Variants in TRHDE observed in about 807,000 individuals in gnomAD.
TRHDE encodes thyrotropin-releasing hormone-degrading ectoenzyme.
TRHDE carries 72 observed loss-of-function variants against 125.7 expected under a neutral mutation model. The observed-to-expected ratio is 0.57, with a 90% CI of 0.47 to 0.70. TRHDE has a LOEUF of 0.70. Among genes scored for constraint, TRHDE ranks in the 30% least tolerant of loss-of-function variants. The pLI is 0.00. For synonymous variants in TRHDE, 509 were observed against 509.1 expected (o/e 1.00, Z 0.00); for missense variants, 1,110 against 1,327.1 (o/e 0.84, Z 2.54).
At chr12:72,486,197 A>T (rs2135919762) in intron 5 of TRHDE, among the ~76,000 whole-genome samples, 3 of 152,308 alleles carry the variant, frequency 2.0e-5, no homozygotes, top group African/African-American at 7.2e-5. Flanking sequence ...GCTGGGATGT[A>T]CCTCAGAGCA....
chr12:72,087,537 G>A (rs914142907), intron 1 of TRHDE: 2 of 152,210 alleles, frequency 1.3e-5, no homozygotes, highest in Non-Finnish European at 2.9e-5. Flanking sequence ...GGAAGGAGGA[G>A]TAAGTACAGA....
At chr12:72,641,459 G>A (rs1211607352) in intron 15 of TRHDE, among the ~76,000 whole-genome samples, 3 of 152,084 alleles carry the variant, frequency 2.0e-5, no homozygotes, top group African/African-American at 4.8e-5. Flanking sequence ...TAAGATCCTC[G>A]TCTGTCCTTT....
intron 6 of TRHDE, among the ~76,000 whole-genome samples, chr12:72,521,007 A>G (rs553629722): frequency 3.3e-5 from 5 of 152,326 alleles, no homozygotes; most frequent in African/African-American, 9.6e-5. Context: ...GCCCAGACTC[A>G]TAATAGCTCG....
intron 6 of TRHDE, among the ~76,000 whole-genome samples, chr12:72,501,622 G>T (rs1431773113): frequency 1.3e-5 from 2 of 151,876 alleles, no homozygotes; most frequent in African/African-American, 2.4e-5. Flanking sequence ...TTTGCATCTG[G>T]GCTAATGAGG....
At chr12:72,395,897 A>G (rs1460157420) in intron 3 of TRHDE, among the ~76,000 whole-genome samples, 4 of 152,050 alleles carry the variant, frequency 2.6e-5, no homozygotes, top group Non-Finnish European at 5.9e-5. Flanking sequence ...CCTCAATCTT[A>G]GCCAATGACC....
chr12:72,122,723 A>C (rs2139302451), intron 2 of TRHDE, among the ~76,000 whole-genome samples: 1 of 152,246 alleles, frequency 6.6e-6, no homozygotes, highest in East Asian at 1.9e-4. Context: ...ATTACTCTAG[A>C]GATCATGGTA....
intron 12 of TRHDE, among the ~76,000 whole-genome samples, chr12:72,595,580 A>G (rs1312972854): frequency 6.6e-6 from 1 of 152,166 alleles, no homozygotes; most frequent in African/African-American, 2.4e-5. Context: ...TTTTAAAAAT[A>G]TAATTGTTCC....
At chr12:72,286,575 T>C (rs1049314998) in intron 1 of TRHDE, 106 bp from the exon 2 acceptor site, 2 of 1,119,610 alleles carry the variant, frequency 1.8e-6, no homozygotes, top group South Asian at 1.6e-5. Context: ...GAAAAAAATA[T>C]TGCAATTTGG....
intron 2 of TRHDE, among the ~76,000 whole-genome samples, chr12:72,171,794 C>T (rs1005317194): frequency 4.6e-5 from 7 of 152,180 alleles, no homozygotes. Flanking sequence ...AGCTCTCCTA[C>T]TGATTGTCCT....
chr12:72,373,776 AG>A (rs1416439396), intron 2 of TRHDE, among the ~76,000 whole-genome samples: 1 of 152,150 alleles, frequency 6.6e-6, no homozygotes, highest in Non-Finnish European at 1.5e-5. Context: ...ATGTTTGAGG[AG>A]TGAAAAGGAA....
intron 15 of TRHDE, among the ~76,000 whole-genome samples, chr12:72,648,960 T>C (rs1330818433): frequency 1.3e-5 from 2 of 152,038 alleles, no homozygotes; most frequent in Non-Finnish European, 2.9e-5. Context: ...TATTTTAAAA[T>C]TGCAATACTA....
chr12:72,199,935 A>C (rs1285060410), intron 2 of TRHDE, among the ~76,000 whole-genome samples: 1 of 152,076 alleles, frequency 6.6e-6, no homozygotes, highest in Non-Finnish European at 1.5e-5. Flanking sequence ...TTTGTGTTAA[A>C]TTTGGTCAAT....
intron 2 of TRHDE, among the ~76,000 whole-genome samples, chr12:72,120,674 C>CTTTT (rs36076979): frequency 1.2e-4 from 14 of 118,746 alleles, no homozygotes; most frequent in Non-Finnish European, 1.5e-4. Context: ...TACTCTTTAA[C>CTTTT]TTTTTTTTTT....
rs141542799 is a variant in TRHDE at position 72,326,473 on chromosome 12, G to A, written c.1188+39519G>A. Among the ~76,000 whole-genome samples, 1,025 of 152,062 alleles carry A rather than the reference G, an allele frequency of 6.7e-3. 7 individuals carry two copies. Among genetic ancestry groups the A allele is most frequent in the African/African-American group, 0.022 (924 of 41,470 alleles). On this transcript the variant is annotated intron_variant, in intron 2 of 18. Coordinates refer to ENST00000261180, the MANE Select transcript of TRHDE (RefSeq NM_013381.3). ...ATGCAGGGCTTAAAACCTAGATGAC[G>A]GGTTGATAGGTGCAGCAAACCACCA...
chr12:72,142,061 G>T (rs1362400823), intron 2 of TRHDE, among the ~76,000 whole-genome samples: 1 of 150,244 alleles, frequency 6.7e-6, no homozygotes. Flanking sequence ...GATCTTCTGG[G>T]TATGCTCCAC....
At chr12:72,465,836 G>T (rs1445152857) in intron 3 of TRHDE, among the ~76,000 whole-genome samples, 5 of 152,118 alleles carry the variant, frequency 3.3e-5, no homozygotes, top group Non-Finnish European at 7.4e-5. Context: ...TCAATACACG[G>T]TTATAAGGTT....
chr12:72,176,647 T>C (rs1876995167), intron 2 of TRHDE, among the ~76,000 whole-genome samples: 1 of 152,236 alleles, frequency 6.6e-6, no homozygotes, highest in African/African-American at 2.4e-5. Context: ...GTGTAGCCGA[T>C]GTTATCTTAG....
At chr12:72,166,318 T>TAC (rs149341584) in intron 2 of TRHDE, among the ~76,000 whole-genome samples, 18 of 151,964 alleles carry the variant, frequency 1.2e-4, no homozygotes, top group East Asian at 1.9e-4. Context: ...TATATATATA[T>TAC]ACACACACAC....
chr12:72,212,629 A>G (rs1877806839), intron 2 of TRHDE, among the ~76,000 whole-genome samples: 1 of 152,170 alleles, frequency 6.6e-6, no homozygotes. Context: ...TTAAACTACA[A>G]TGAGATACCC....
Sources: gnomAD v4.1 joint callset for allele counts (sites outside exome capture counted in the v4.1 genomes callset) on GRCh38, gnomAD v4.1.1 for gene constraint, MANE v1.5 for transcripts, NCBI Gene and HGNC (gene_info 2026-07-23, HGNC 2026-07-21) for gene names.